Variants in KIAA0319L observed in about 807,000 individuals in gnomAD.
KIAA0319L encodes the protein dyslexia-associated protein KIAA0319-like protein.
In KIAA0319L, 55 loss-of-function variants were observed where a neutral mutation model predicts 120.1. That is an observed-to-expected ratio of 0.46 (90% CI 0.37 to 0.57). KIAA0319L has a LOEUF of 0.57. Ranked by LOEUF, KIAA0319L falls within the 20% of genes least tolerant of loss-of-function variation. The pLI is 0.00. For missense variants in KIAA0319L, 1,049 were observed against 1,255.3 expected, an observed-to-expected ratio of 0.84 and a Z score of 2.48; for synonymous variants, 398 against 471.9, an observed-to-expected ratio of 0.84 and a Z score of 2.03.
At chr1:35,460,876 T>C (rs1642841866) in intron 8 of KIAA0319L, among the ~76,000 whole-genome samples, 2 of 152,222 alleles carry the variant, frequency 1.3e-5, no homozygotes, top group Admixed American at 1.3e-4. Context: ...GGTATAAGCA[T>C]AAACTGACAC....
chr1:35,487,751 T>C (rs1455957982), intron 3 of KIAA0319L, among the ~76,000 whole-genome samples: 2 of 152,248 alleles, frequency 1.3e-5, no homozygotes, highest in Non-Finnish European at 2.9e-5. Context: ...GGTTGGAGAA[T>C]GCATTCAATT....
intron 5 of KIAA0319L, 118 bp downstream of exon 5, chr1:35,474,687 A>G (rs1643837194): frequency 1.7e-6 from 1 of 605,336 alleles, no homozygotes; most frequent in South Asian, 2.2e-5. Flanking sequence ...GCTACTAGGA[A>G]GACTAAGGTG....
In KIAA0319L at chr1:35,440,927, G is replaced by C. The variant is rs149759448; in HGVS notation, c.2962+120C>G. On this transcript the variant is annotated intron_variant, in intron 20 of 20. Coordinates refer to ENST00000325722, the MANE Select transcript of KIAA0319L (RefSeq NM_024874.5). ...CCCTCAGTCTTCATCAGGCAAAAGGGAACAAAATGCTTTGCAAGCACAGTG... is the reference window on the plus strand; with the variant it reads ...CCCTCAGTCTTCATCAGGCAAAAGGCAACAAAATGCTTTGCAAGCACAGTG... The C allele has an allele frequency of 1.1e-3, 925 of 847,040 alleles. 7 individuals carry two copies. Among genetic ancestry groups the C allele is most frequent in the Non-Finnish European group, 1.8e-4 (88 of 493,660 alleles). The allele number at this position is 847,040 out of a possible 1,614,324, so 52.5% of individuals were successfully genotyped here. A position where few individuals can be genotyped will look rare whatever the true frequency, so the allele number is the denominator to read the frequency against.
rs191003504 is a variant in KIAA0319L at position 35,487,834 on chromosome 1, C to T, written c.667-8622G>A. ...TTCAAAGACAGAACTCTAATCTCTG[C>T]CTCCCTAATCTCTGCCTGCTTTTTC... On this transcript the variant is annotated intron_variant, in intron 3 of 20. Coordinates refer to ENST00000325722, the MANE Select transcript of KIAA0319L (RefSeq NM_024874.5). 2.6e-5 allele frequency among the ~76,000 whole-genome samples: 4 copies of T among 152,274 alleles called. No homozygotes were observed. In the East Asian group the frequency reaches 7.7e-4, roughly 29 times the overall value.
At position 35,470,969 on chromosome 1, in the gene KIAA0319L, G is replaced by A; in HGVS notation, c.1016-9C>T. On this transcript the variant is annotated splice_polypyrimidine_tract_variant and intron_variant, in intron 5 of 20. Coordinates refer to ENST00000325722, the MANE Select transcript of KIAA0319L (RefSeq NM_024874.5). The stretch of plus-strand genomic sequence containing the variant: ...GTAGGTGTAGGTTTCTCCTATAGAA[G>A]GGCAGTTACAAAAATCATGAAAACA... 2 of 1,535,342 alleles carry A rather than the reference G, an allele frequency of 1.3e-6. No individual in the cohort carries two copies. Among genetic ancestry groups the A allele is most frequent in the South Asian group, 2.2e-5 (2 of 89,486 alleles).
rs188234025 is a variant in KIAA0319L, at chr1:35,485,577, G to A, written c.667-6365C>T. On this transcript the variant is annotated intron_variant, in intron 3 of 20. Coordinates refer to ENST00000325722, the MANE Select transcript of KIAA0319L (RefSeq NM_024874.5). ...GCCAGAGATATGTGGAGAGCTTATC[G>A]TAGCCCTTCTATGGCTCTCTTATTT... Among the ~76,000 whole-genome samples the A allele has an allele frequency of 9.5e-4, 144 of 152,250 alleles. 1 individual carries two copies. The highest frequency in any genetic ancestry group is 3.7e-3 in the South Asian group (18 of 4,818).
chr1:35,500,532 A>G (rs1453850111), intron 3 of KIAA0319L, among the ~76,000 whole-genome samples: 2 of 152,262 alleles, frequency 1.3e-5, no homozygotes, highest in African/African-American at 4.8e-5. Context: ...GTATATTTCC[A>G]AAAGAGTGAA....
intron 2 of KIAA0319L, among the ~76,000 whole-genome samples, chr1:35,528,723 C>A (rs528809763): frequency 1.9e-4 from 29 of 152,220 alleles, no homozygotes; most frequent in Non-Finnish European, 3.5e-4. Flanking sequence ...AAGTCCCCAA[C>A]TATTATTGTA....
intron 2 of KIAA0319L, chr1:35,533,022 C>A (rs1570979369): frequency 1.3e-5 from 2 of 152,200 alleles, no homozygotes; most frequent in South Asian, 4.1e-4. Flanking sequence ...GGCACAAAAT[C>A]TAGACCAGGT....
At chr1:35,482,681 G>A (rs181251675) in intron 3 of KIAA0319L, among the ~76,000 whole-genome samples, 6 of 152,134 alleles carry the variant, frequency 3.9e-5, no homozygotes, top group South Asian at 2.1e-4. Context: ...CACCCACCTC[G>A]GCCTCCCAAA....
At chr1:35,443,907 T>C (rs1047349050) in intron 17 of KIAA0319L, 1 of 327,534 alleles carries the variant, frequency 3.1e-6, no homozygotes, top group African/African-American at 2.1e-5. Flanking sequence ...AGTCAGAGGT[T>C]AGTGAAAACA....
At chr1:35,515,870 G>A (rs1570916723) in intron 2 of KIAA0319L, among the ~76,000 whole-genome samples, 1 of 151,220 alleles carries the variant, frequency 6.6e-6, no homozygotes, top group South Asian at 2.1e-4. Flanking sequence ...TGAAGAGGAT[G>A]TTACCACTGA....
chr1:35,443,148 C>T (rs1426625335), intron 17 of KIAA0319L, 120 bp from the exon 18 acceptor site: 12 of 1,199,472 alleles, frequency 1.0e-5, no homozygotes, highest in Middle Eastern at 2.7e-4. Context: ...GAAATGTCCT[C>T]GAGACCCACC....
intron 3 of KIAA0319L, among the ~76,000 whole-genome samples, chr1:35,490,935 G>A (rs1261373864): frequency 6.6e-6 from 1 of 152,164 alleles, no homozygotes; most frequent in Non-Finnish European, 1.5e-5. Context: ...TGAAGATTGT[G>A]CTGCTTCCCC....
intron 2 of KIAA0319L, among the ~76,000 whole-genome samples, chr1:35,512,226 C>G (rs1238287690): frequency 2.0e-5 from 3 of 151,160 alleles, no homozygotes; most frequent in Non-Finnish European, 4.4e-5. Flanking sequence ...CAAGAGCATG[C>G]CACTGTACTC....
chr1:35,448,865 A>G (rs1414418469), intron 15 of KIAA0319L, among the ~76,000 whole-genome samples: 1 of 152,208 alleles, frequency 6.6e-6, no homozygotes, highest in Non-Finnish European at 1.5e-5. Context: ...GTCAGCCAAG[A>G]CACAAGGATT....
intron 2 of KIAA0319L, among the ~76,000 whole-genome samples, chr1:35,512,876 A>C (rs1377927155): frequency 6.6e-6 from 1 of 150,810 alleles, no homozygotes; most frequent in Non-Finnish European, 1.5e-5. Flanking sequence ...CATCTCAAAA[A>C]AAAAAAAAAA....
At chr1:35,466,346 G>A (rs987240409) in intron 7 of KIAA0319L, among the ~76,000 whole-genome samples, 10 of 152,242 alleles carry the variant, frequency 6.6e-5, no homozygotes, top group Middle Eastern at 3.4e-3. Flanking sequence ...TGGCCCACTT[G>A]AAGAAGTAGG....
At chr1:35,478,847 A>AT (rs1644020769) in intron 4 of KIAA0319L, 119 bp downstream of exon 4, 6 of 1,235,022 alleles carry the variant, frequency 4.9e-6, no homozygotes, top group Non-Finnish European at 6.8e-6. Context: ...TGACAGAGTT[A>AT]TTTTTTCTCT....
Sources: gnomAD v4.1 joint callset for allele counts (sites outside exome capture counted in the v4.1 genomes callset) on GRCh38, gnomAD v4.1.1 for gene constraint, MANE v1.5 for transcripts, NCBI Gene and HGNC (gene_info 2026-07-23, HGNC 2026-07-21) for gene names.